The following GXYLT1 variants were observed in gnomAD, a reference collection of about 807,000 sequenced individuals.
GXYLT1 encodes glucoside xylosyltransferase 1.
Under a neutral mutation model 54.0 loss-of-function variants are expected in GXYLT1, and 29 were observed. That is an observed-to-expected ratio of 0.54 (90% confidence interval 0.40 to 0.73). The LOEUF is 0.73. Ranked by LOEUF, GXYLT1 falls within the 30% of genes least tolerant of loss-of-function variation. The pLI is 0.00. For synonymous variants in GXYLT1, 176 were observed against 204.1 expected, an observed-to-expected ratio of 0.86 and a Z score of 1.17; for missense variants, 490 against 553.4, an observed-to-expected ratio of 0.89 and a Z score of 1.15.
At chr12:42,126,396 A>C (rs1442114445) in intron 2 of GXYLT1, among the ~76,000 whole-genome samples, 1 of 152,124 alleles carries the variant, frequency 6.6e-6, no homozygotes, top group African/African-American at 2.4e-5. Context: ...TACTCAAAAG[A>C]AGCTTGCTGA....
chr12:42,091,294 TA>T (rs1036498636), intron 7 of GXYLT1, among the ~76,000 whole-genome samples: 22 of 150,078 alleles, frequency 1.5e-4, no homozygotes, highest in Non-Finnish European at 2.8e-4. Context: ...AAGATTTTTT[TA>T]AAAAAAAATC....
rs375641940 is a variant in GXYLT1 at position 42,111,344 on chromosome 12, G to A, written c.487-1653C>T. Among the ~76,000 whole-genome samples, 11 of 152,216 alleles carry A rather than the reference G, an allele frequency of 7.2e-5. No homozygotes were observed. In the East Asian group the frequency reaches 7.7e-4, roughly 11 times the overall value. ...ACCGGGGCGAGGCATCGCCTCACCCGGGAAGAGCAAGGGGTCAGGGAATTC... is the reference window on the plus strand; with the variant it reads ...ACCGGGGCGAGGCATCGCCTCACCCAGGAAGAGCAAGGGGTCAGGGAATTC... On this transcript the variant is annotated intron_variant, in intron 3 of 7. Transcript: ENST00000398675.
At chr12:42,110,875 T>C (rs918028122) in intron 3 of GXYLT1, among the ~76,000 whole-genome samples, 5 of 152,336 alleles carry the variant, frequency 3.3e-5, no homozygotes, top group African/African-American at 7.2e-5. Context: ...TTCCATAAAA[T>C]ATTTGATATT....
At chr12:42,132,826 A>G (rs184910817) in intron 1 of GXYLT1, among the ~76,000 whole-genome samples, 109 of 152,114 alleles carry the variant, frequency 7.2e-4, no homozygotes, top group African/African-American at 2.3e-3. Flanking sequence ...AGCCACAGAC[A>G]TGAGAATTAA....
chr12:42,091,765 C>A (rs961282010), intron 7 of GXYLT1, among the ~76,000 whole-genome samples: 1 of 152,142 alleles, frequency 6.6e-6, no homozygotes, highest in African/African-American at 2.4e-5. Flanking sequence ...TTTTGTCTAC[C>A]ACCAAGTTTA....
At chr12:42,113,220 G>A (rs11181334) in intron 3 of GXYLT1, among the ~76,000 whole-genome samples, 1 of 150,506 alleles carries the variant, frequency 6.6e-6, no homozygotes, top group African/African-American at 2.5e-5. Flanking sequence ...GAAACTACAT[G>A]AACTAACGAG....
rs1335756655 is a variant in GXYLT1 at position 42,082,746 on chromosome 12, C to T, written c.*5040G>A. 1 of 152,258 alleles carries T rather than the reference C, an allele frequency of 6.6e-6. No homozygotes were observed. The highest frequency in any genetic ancestry group is 1.5e-5 in the Non-Finnish European group (1 of 68,114). The allele number at this position is 152,258 out of a possible 1,614,324, so 9.4% of individuals were successfully genotyped here. On this transcript the variant is annotated 3_prime_UTR_variant, in exon 8 of 8. Transcript: ENST00000398675. ...CCTCCTGCCTCGGCCTCCCAAAGTG[C>T]TGGGATTACATGCATGAGCCACCAC...
chr12:42,111,901 T>A (rs889076290), intron 3 of GXYLT1, among the ~76,000 whole-genome samples: 2 of 152,202 alleles, frequency 1.3e-5, no homozygotes, highest in Non-Finnish European at 2.9e-5. Flanking sequence ...AGGGGCGGAC[T>A]GACACCTCAC....
intron 3 of GXYLT1, among the ~76,000 whole-genome samples, chr12:42,115,057 A>C (rs188408685): frequency 6.6e-6 from 1 of 152,376 alleles, no homozygotes; most frequent in African/African-American, 2.4e-5. Context: ...AGATGCAGAA[A>C]AGGCTTTTGA....
chr12:42,107,352 A>C (rs1237548961), intron 4 of GXYLT1, among the ~76,000 whole-genome samples: 1 of 152,124 alleles, frequency 6.6e-6, no homozygotes, highest in Non-Finnish European at 1.5e-5. Context: ...GGCTGACTGC[A>C]GGGCCTGAGT....
intron 3 of GXYLT1, among the ~76,000 whole-genome samples, chr12:42,111,608 T>C (rs1029029053): frequency 2.0e-5 from 3 of 152,064 alleles, no homozygotes; most frequent in Non-Finnish European, 4.4e-5. Flanking sequence ...GCCAAGTTAG[T>C]TGTTTGATTA....
intron 5 of GXYLT1, among the ~76,000 whole-genome samples, chr12:42,100,929 T>C (rs2065386164): frequency 6.6e-6 from 1 of 151,614 alleles, no homozygotes; most frequent in African/African-American, 2.4e-5. Flanking sequence ...TAAAAACCAA[T>C]ATAAATCAAA....
chr12:42,128,698 ATTTAT>A (rs1344595431), intron 2 of GXYLT1, among the ~76,000 whole-genome samples: 5 of 152,160 alleles, frequency 3.3e-5, no homozygotes, highest in Non-Finnish European at 5.9e-5. Flanking sequence ...TAGAATTAAT[ATTTAT>A]TTTATTTGTT....
At chr12:42,116,447 C>A (rs761425756) in intron 3 of GXYLT1, among the ~76,000 whole-genome samples, 2 of 152,066 alleles carry the variant, frequency 1.3e-5, no homozygotes, top group Non-Finnish European at 2.9e-5. Flanking sequence ...AAAAAACAAC[C>A]CCATCAACAA....
Position 42,115,918 on chromosome 12 carries a change from G to C in GXYLT1, c.486+3082C>G, listed in dbSNP as rs1054809601. ...CAATAACCAAAACAGCATGGTACTG[G>C]TACCAAAACAGAGATATAGACCAAT... On this transcript the variant is annotated intron_variant, in intron 3 of 7. Transcript: ENST00000398675. Among the ~76,000 whole-genome samples, 6 of 126,418 alleles carry C rather than the reference G, an allele frequency of 4.7e-5. 1 individual carries two copies. Among genetic ancestry groups the C allele is most frequent in the African/African-American group, 1.1e-4 (4 of 36,624 alleles). The allele number at this position is 126,418 out of a possible 152,430, so 82.9% of individuals were successfully genotyped here. A position where few individuals can be genotyped will look rare whatever the true frequency, so the allele number is the denominator to read the frequency against.
intron 7 of GXYLT1, among the ~76,000 whole-genome samples, 198 bp from the exon 8 acceptor site, chr12:42,088,145 G>T (rs2136869420): frequency 6.6e-6 from 1 of 152,012 alleles, no homozygotes; most frequent in African/African-American, 2.4e-5. Context: ...GACAGCCATG[G>T]TAAATCTCCG....
intron 3 of GXYLT1, among the ~76,000 whole-genome samples, chr12:42,112,052 T>C (rs1450678542): frequency 1.3e-5 from 2 of 149,914 alleles, no homozygotes; most frequent in Non-Finnish European, 3.0e-5. Context: ...TCTAGCAAAC[T>C]CCAAACTCCA....
intron 1 of GXYLT1, 143 bp downstream of exon 1, chr12:42,144,283 A>G: frequency 4.7e-6 from 2 of 428,880 alleles, no homozygotes; most frequent in Non-Finnish European, 7.6e-6. Context: ...GCCGGAGGGG[A>G]AGGAGGGAAA....
chr12:42,094,702 T>C (rs1049896249), intron 7 of GXYLT1, among the ~76,000 whole-genome samples: 1 of 151,974 alleles, frequency 6.6e-6, no homozygotes, highest in Admixed American at 6.6e-5. Context: ...AAAAATATTA[T>C]ACAAACTGAA....
Sources: allele counts gnomAD v4.1 joint callset (sites outside exome capture counted in the v4.1 genomes callset), GRCh38; gene constraint gnomAD v4.1.1; transcripts MANE v1.5; gene names NCBI Gene and HGNC (gene_info 2026-07-23, HGNC 2026-07-21).